NPHP1: variants seen among roughly 807,000 people sequenced by gnomAD.
The protein encoded by NPHP1 is nephrocystin-1.
A neutral mutation model predicts 90.4 loss-of-function variants in NPHP1; 70 were observed. The ratio of observed to expected loss-of-function variants is 0.77; its 90% CI spans 0.64 to 0.95. NPHP1 has a LOEUF of 0.95. Among genes scored for constraint, NPHP1 ranks in the 40% least tolerant of loss-of-function variants. NPHP1 has a pLI of 0.00. For synonymous variants in NPHP1, 256 were observed against 271.7 expected, an observed-to-expected ratio of 0.94 and a Z score of 0.57; for missense variants, 764 against 795.9, an observed-to-expected ratio of 0.96 and a Z score of 0.48.
intron 4 of NPHP1, among the ~76,000 whole-genome samples, chr2:110,173,407 G>A (rs558621114): frequency 1.3e-5 from 2 of 152,178 alleles, no homozygotes; most frequent in East Asian, 3.9e-4. Flanking sequence ...GCACTGAAAA[G>A]AATATGTATT....
At position 110,204,883 on chromosome 2, in the gene NPHP1, G is replaced by C; in HGVS notation, c.69+17C>G. On this transcript the variant is annotated intron_variant, in intron 1 of 19. Transcript: ENST00000445609. Reference sequence around the variant, plus strand: ...CCTGTCGCCCGCCCCAGGGCCCTCTGCACAGCCTGACCATACCTGTTGCTT... The same window carrying C: ...CCTGTCGCCCGCCCCAGGGCCCTCTCCACAGCCTGACCATACCTGTTGCTT... 1.2e-6 allele frequency: 2 copies of C among 1,613,394 alleles called. No individual in the cohort carries two copies. The highest frequency in any genetic ancestry group is 2.2e-5 in the South Asian group (2 of 91,064).
intron 16 of NPHP1, among the ~76,000 whole-genome samples, chr2:110,142,579 T>C (rs907298135): frequency 6.6e-6 from 1 of 151,938 alleles, no homozygotes; most frequent in Non-Finnish European, 1.5e-5. Flanking sequence ...CTTGAACTCC[T>C]GGCCTCAAGC....
chr2:110,125,304 G>C, intron 19 of NPHP1: 1 of 1,534,098 alleles, frequency 6.5e-7, no homozygotes, highest in Non-Finnish European at 8.7e-7. Context: ...CCCTTCTCTT[G>C]GTGATACAGG....
At chr2:110,148,902 A>C (rs1330231628) in intron 12 of NPHP1, among the ~76,000 whole-genome samples, 1 of 152,120 alleles carries the variant, frequency 6.6e-6, no homozygotes, top group African/African-American at 2.4e-5. Context: ...TTGACTGTAA[A>C]ATCTATCCAA....
chr2:110,195,221 C>T (rs1685067698), intron 2 of NPHP1, among the ~76,000 whole-genome samples: 2 of 152,074 alleles, frequency 1.3e-5, no homozygotes, highest in South Asian at 4.1e-4. Context: ...TCAAATTGTC[C>T]CTGTTTGCAG....
Position 110,146,700 on chromosome 2 carries a change from A to G in NPHP1, c.1352+53T>C. The G allele has an allele frequency of 3.0e-6, 4 of 1,350,016 alleles. No homozygotes were observed. The South Asian group carries it at 4.7e-5, about 16-fold the overall frequency. The allele number at this position is 1,350,016 out of a possible 1,614,324, so 83.6% of individuals were successfully genotyped here. A position where few individuals can be genotyped will look rare whatever the true frequency, so the allele number is the denominator to read the frequency against. ...CAAACCTGAGGTATCAAGAGTCTAA[A>G]AAATGAATTTTTACAGAAGTATTCA... is the stretch of plus-strand genomic sequence containing the variant. On this transcript the variant is annotated intron_variant, in intron 14 of 19. Coordinates refer to ENST00000445609, the MANE Select transcript of NPHP1 (RefSeq NM_001128178.3).
chr2:110,202,417 T>C (rs1483711724), intron 1 of NPHP1: 1 of 454,590 alleles, frequency 2.2e-6, no homozygotes, highest in South Asian at 1.6e-5. Flanking sequence ...AGAGGGGCTG[T>C]TGATTACTTG....
chr2:110,201,351 T>C, intron 2 of NPHP1, 70 bp downstream of exon 2: 2 of 984,688 alleles, frequency 2.0e-6, no homozygotes, highest in Non-Finnish European at 3.2e-6. Context: ...CCAATCTCTA[T>C]GCCTTAAATA....
intron 4 of NPHP1, among the ~76,000 whole-genome samples, chr2:110,176,529 T>C (rs999784386): frequency 6.6e-6 from 1 of 152,170 alleles, no homozygotes; most frequent in Admixed American, 6.5e-5. Flanking sequence ...GTTGCTGTGA[T>C]GGACACATTA....
chr2:110,131,504 G>C (rs1679771869), intron 17 of NPHP1, among the ~76,000 whole-genome samples, 175 bp downstream of exon 17: 1 of 152,120 alleles, frequency 6.6e-6, no homozygotes, highest in South Asian at 2.1e-4. Context: ...AGTTCACAAA[G>C]CTCAATGCTT....
At chr2:110,148,119 T>C (rs771244613) in intron 12 of NPHP1, 93 bp from the exon 13 acceptor site, 20 of 843,632 alleles carry the variant, frequency 2.4e-5, no homozygotes, top group Non-Finnish European at 3.5e-5. Flanking sequence ...CCAAATTTCA[T>C]GTTGAATTGT....
rs202013979 is a variant in NPHP1, at chr2:110,160,308, A to C, written c.955-53T>G. 177 of 1,436,378 alleles carry C rather than the reference A, an allele frequency of 1.2e-4. No homozygotes were observed. The Middle Eastern group carries it at 1.6e-3, about 13-fold the overall frequency. The allele number at this position is 1,436,378 out of a possible 1,614,324, so 89.0% of individuals were successfully genotyped here. ...TTTATTTTTATGATTTCTAACACAA[A>C]TCTGTCTTTTGTGAATTCGGCTTAT... is the stretch of plus-strand genomic sequence containing the variant. On this transcript the variant is annotated intron_variant, in intron 10 of 19. Coordinates refer to ENST00000445609, the MANE Select transcript of NPHP1 (RefSeq NM_001128178.3).
At chr2:110,146,130 C>T (rs1292122140) in intron 14 of NPHP1, among the ~76,000 whole-genome samples, 2 of 152,186 alleles carry the variant, frequency 1.3e-5, no homozygotes, top group Non-Finnish European at 2.9e-5. Context: ...CACCATCCTA[C>T]TGCCTGCCCA....
At chr2:110,143,955 G>T (rs1043659703) in intron 15 of NPHP1, 5 of 367,892 alleles carry the variant, frequency 1.4e-5, no homozygotes, top group Non-Finnish European at 2.1e-5. Context: ...GCGTTGTGGG[G>T]TCAGCAGAGG....
At position 110,123,912 on chromosome 2, in the gene NPHP1, T is replaced by C. The variant is rs186950965; in HGVS notation, c.1913A>G (p.Gln638Arg). The C allele has an allele frequency of 1.0e-4, 164 of 1,614,146 alleles. 1 individual carries two copies. In the East Asian group the frequency reaches 3.1e-3, roughly 30 times the overall value. The change falls in exon 20 of 20, where the codon CAA (glutamine) becomes CGA (arginine). Residue 638 changes from glutamine to arginine, a missense_variant. Gln to Arg is a conservative substitution (Grantham distance 43). Coordinates refer to ENST00000445609, the MANE Select transcript of NPHP1 (RefSeq NM_001128178.3). The part of the protein sequence containing the change: ...RWKVITDFLK[Q>R]NQENQGALQA... ...GAGGGCGCCCTGGTTTTCTTGGTTT[T>C]GCTTAAGGAAGTCAGTGATAACTTT...
At chr2:110,141,675 G>A (rs1369877622) in intron 16 of NPHP1, among the ~76,000 whole-genome samples, 1 of 152,008 alleles carries the variant, frequency 6.6e-6, no homozygotes, top group Non-Finnish European at 1.5e-5. Flanking sequence ...CAGTCATTTT[G>A]AAAACAGTTT....
chr2:110,124,206 C>G lies in NPHP1; in HGVS notation c.1762-143G>C, dbSNP rs558904901. The G allele has an allele frequency of 1.7e-3, 1,490 of 860,966 alleles. 9 individuals are homozygous for G. The highest frequency in any genetic ancestry group is 2.3e-3 in the Non-Finnish European group (1,182 of 522,526). The allele number at this position is 860,966 out of a possible 1,614,324, so 53.3% of individuals were successfully genotyped here. ...AGGTATCGGCTCTGAGCCAGCTGCT[C>G]AGGCAGGACATGGCACTTCAGAAGT... On this transcript the variant is annotated intron_variant, in intron 19 of 19. Transcript: ENST00000445609.
intron 13 of NPHP1, 138 bp downstream of exon 13, chr2:110,147,778 C>G: frequency 1.5e-6 from 1 of 646,594 alleles, no homozygotes; most frequent in Non-Finnish European, 2.8e-6. Context: ...AAATTAGAAT[C>G]ACTGGCATTC....
chr2:110,200,543 A>C (rs1339155621), intron 2 of NPHP1, among the ~76,000 whole-genome samples: 1 of 152,210 alleles, frequency 6.6e-6, no homozygotes, highest in Non-Finnish European at 1.5e-5. Flanking sequence ...AGCCTGGGTG[A>C]CAGAGTGAGA....
Sources: allele counts gnomAD v4.1 joint callset (sites outside exome capture counted in the v4.1 genomes callset), GRCh38; gene constraint gnomAD v4.1.1; transcripts MANE v1.5; gene names NCBI Gene and HGNC (gene_info 2026-07-23, HGNC 2026-07-21).